The following TCTN2 variants were observed in gnomAD, a reference collection of about 807,000 sequenced individuals.
The protein encoded by TCTN2 is tectonic family member 2, also known as tectonic-2.
TCTN2 carries 66 observed loss-of-function variants against 83.4 expected under a neutral mutation model. The observed-to-expected ratio is 0.79, with a 90% CI of 0.65 to 0.97. TCTN2 has a LOEUF of 0.97. Ranked by LOEUF, TCTN2 falls within the 50% of genes least tolerant of loss-of-function variation. The pLI, the probability that TCTN2 is intolerant of heterozygous loss-of-function variation, is 0.00. For synonymous variants in TCTN2, 301 were observed against 326.7 expected (o/e 0.92, Z 0.85); for missense variants, 794 against 858.1 (o/e 0.93, Z 0.93).
chr12:123,696,762 T>C (rs1956113948), intron 12 of TCTN2: 2 of 537,826 alleles, frequency 3.7e-6, no homozygotes, highest in East Asian at 3.3e-5. Context: ...TCCCATGTTA[T>C]TGTTGCCTGT....
At chr12:123,683,013 C>T (rs1955918212) in intron 5 of TCTN2, among the ~76,000 whole-genome samples, 1 of 151,454 alleles carries the variant, frequency 6.6e-6, no homozygotes, top group Non-Finnish European at 1.5e-5. Context: ...CACCTGAGGT[C>T]AGGAGTTCGA....
At chr12:123,679,087 G>A (rs746297776) in intron 4 of TCTN2, 102 bp from the exon 5 acceptor site, 168 of 1,064,854 alleles carry the variant, frequency 1.6e-4, no homozygotes, top group Non-Finnish European at 2.3e-4. Flanking sequence ...GTGAGCCACC[G>A]CGCCTGGCCG....
chr12:123,707,554 T>C (rs767850969), intron 17 of TCTN2, 50 bp from the exon 18 acceptor site: 2 of 1,549,454 alleles, frequency 1.3e-6, no homozygotes, highest in South Asian at 1.1e-5. Flanking sequence ...TACACTGTTA[T>C]CAAAAGAGTT....
intron 5 of TCTN2, among the ~76,000 whole-genome samples, chr12:123,680,367 A>AAC (rs1428862814): frequency 1.3e-5 from 2 of 151,106 alleles, no homozygotes; most frequent in Admixed American, 6.6e-5. Context: ...AAAAAAAAAA[A>AAC]ATCACACAAC....
intron 6 of TCTN2, 29 bp downstream of exon 6, chr12:123,687,064 G>A: frequency 6.2e-7 from 1 of 1,613,728 alleles, no homozygotes; most frequent in Non-Finnish European, 8.5e-7. Context: ...GCCTGGGATG[G>A]GGCATTGTTC....
intron 8 of TCTN2, 105 bp from the exon 9 acceptor site, chr12:123,692,553 G>A: frequency 1.1e-6 from 1 of 889,070 alleles, no homozygotes; most frequent in Admixed American, 1.9e-5. Context: ...AGCACCCTGG[G>A]CAGTTGCGGT....
intron 5 of TCTN2, among the ~76,000 whole-genome samples, chr12:123,686,234 AT>A: frequency 6.6e-6 from 1 of 152,066 alleles, no homozygotes. Flanking sequence ...TTTAGTAAAT[AT>A]GGGGCTTCAC....
chr12:123,707,253 A>T, intron 17 of TCTN2, 180 bp downstream of exon 17: 1 of 655,946 alleles, frequency 1.5e-6, no homozygotes. Context: ...TTCTACCTAC[A>T]CTGTTTTTTT....
chr12:123,672,911 G>A (rs571190960), intron 3 of TCTN2, among the ~76,000 whole-genome samples: 4 of 152,254 alleles, frequency 2.6e-5, no homozygotes, highest in East Asian at 1.9e-4. Context: ...TTAGCTGGGC[G>A]TGATGGCGGG....
intron 13 of TCTN2, 124 bp from the exon 14 acceptor site, chr12:123,699,580 A>C (rs1593862734): frequency 4.9e-6 from 4 of 817,538 alleles, no homozygotes; most frequent in Admixed American, 2.0e-5. Context: ...GCCAGTTTTT[A>C]ATGCCAGTTC....
chr12:123,686,036 A>T (rs1318816964), intron 5 of TCTN2, among the ~76,000 whole-genome samples: 1 of 150,638 alleles, frequency 6.6e-6, no homozygotes, highest in Non-Finnish European at 1.5e-5. Flanking sequence ...CAGTCCAAGT[A>T]ATTTATTTAT....
chr12:123,691,505 A>C (rs1158924007), intron 8 of TCTN2, among the ~76,000 whole-genome samples: 1 of 152,226 alleles, frequency 6.6e-6, no homozygotes, highest in Non-Finnish European at 1.5e-5. Context: ...GCTGAATCAT[A>C]GTCCATTGCA....
chr12:123,676,430 T>C (rs1401284255), intron 4 of TCTN2, among the ~76,000 whole-genome samples: 1 of 151,636 alleles, frequency 6.6e-6, no homozygotes, highest in Non-Finnish European at 1.5e-5. Flanking sequence ...TAGCCGGGTA[T>C]GGTGGCGGGT....
intron 14 of TCTN2, among the ~76,000 whole-genome samples, chr12:123,704,251 C>T (rs549851968): frequency 4.6e-5 from 7 of 152,124 alleles, no homozygotes; most frequent in East Asian, 3.9e-4. Context: ...GTGATCTGCC[C>T]GCCTCAGCCT....
intron 5 of TCTN2, among the ~76,000 whole-genome samples, chr12:123,683,516 A>G (rs886899202): frequency 4.0e-5 from 6 of 151,886 alleles, no homozygotes; most frequent in African/African-American, 1.2e-4. Flanking sequence ...CCTGGCCTCA[A>G]GTGATCTGCC....
At chr12:123,700,496 A>G (rs1419769078) in intron 14 of TCTN2, among the ~76,000 whole-genome samples, 2 of 152,100 alleles carry the variant, frequency 1.3e-5, no homozygotes, top group Non-Finnish European at 2.9e-5. Context: ...GCAATGGCAC[A>G]ATCTCGGCTC....
At chr12:123,688,254 C>A in intron 7 of TCTN2, 77 bp downstream of exon 7, 1 of 1,535,372 alleles carries the variant, frequency 6.5e-7, no homozygotes, top group Non-Finnish European at 8.8e-7. Context: ...CTCGCTCTTA[C>A]CTCCTAGGCT....
intron 5 of TCTN2, among the ~76,000 whole-genome samples, chr12:123,680,023 G>A (rs1955877097): frequency 6.6e-6 from 1 of 152,022 alleles, no homozygotes; most frequent in East Asian, 2.0e-4. Flanking sequence ...ACAGGCGTGA[G>A]CCACCGCGCC....
Position 123,673,793 on chromosome 12 carries a change from T to C in TCTN2, c.446T>C (p.Leu149Pro), listed in dbSNP as rs776678397. The change falls in exon 4 of 18, where the codon CTG becomes CCG. Residue 149 changes from leucine to proline, a missense_variant. Physicochemically the swap from Leu to Pro is moderately conservative, Grantham distance 98. Transcript: ENST00000303372. ...IQVEIYANSS[L>P]THNASENVTV... Reference sequence around the variant, plus strand: ...GTGGAAATTTATGCCAACTCTTCTCTGACCCATAATGCCTCAGGCAAGTGA... The same window carrying C: ...GTGGAAATTTATGCCAACTCTTCTCCGACCCATAATGCCTCAGGCAAGTGA... 1 of 1,614,194 alleles carries C rather than the reference T, an allele frequency of 6.2e-7. No homozygotes were observed. The highest frequency in any genetic ancestry group is 8.5e-7 in the Non-Finnish European group (1 of 1,180,022).
Sources: gnomAD v4.1 joint callset for allele counts (sites outside exome capture counted in the v4.1 genomes callset) on GRCh38, gnomAD v4.1.1 for gene constraint, MANE v1.5 for transcripts, NCBI Gene and HGNC (gene_info 2026-07-23, HGNC 2026-07-21) for gene names.